DNAJC21: variants seen among roughly 807,000 people sequenced by gnomAD.
The protein encoded by DNAJC21 is dnaJ homolog subfamily C member 21.
In DNAJC21, 63 loss-of-function variants were observed where a neutral mutation model predicts 72.4. That is an observed-to-expected ratio of 0.87 (90% confidence interval 0.71 to 1.07). DNAJC21 has a LOEUF of 1.07. Among genes scored for constraint, DNAJC21 ranks in the 50% least tolerant of loss-of-function variants. The probability of loss-of-function intolerance (pLI) is 0.00; values close to 1 mark genes in which losing one functional copy is unlikely to be tolerated. For synonymous variants in DNAJC21, 203 were observed against 216.7 expected (o/e 0.94, Z 0.56); for missense variants, 634 against 644.8 (o/e 0.98, Z 0.18).
chr5:34,929,758 GCCCGGGCCCGGGCCCCGACCCCGT>G lies in DNAJC21; in HGVS notation c.-52_-29del. On this transcript the variant is annotated 5_prime_UTR_variant, in exon 1 of 12. Coordinates refer to ENST00000648817, the MANE Select transcript of DNAJC21 (RefSeq NM_001012339.3). ...CAGCGCCGCCGCCGCCGCCGCTTCG[GCCCGGGCCCGGGCCCCGACCCCGT>G]CCCGGGCCCCAGCGCCGGCCGCCCG... is the stretch of plus-strand genomic sequence containing the variant. The G allele has an allele frequency of 1.1e-6, 1 of 905,082 alleles. No individual in the cohort carries two copies. Among genetic ancestry groups the G allele is most frequent in the Non-Finnish European group, 1.3e-6 (1 of 740,828 alleles). The allele number at this position is 905,082 out of a possible 1,614,324, so 56.1% of individuals were successfully genotyped here.
rs1764970902 is a variant in DNAJC21 at position 34,941,074 on chromosome 5, AC to A, written c.896-21del. ...TGTGCTCTGATCAAAGAGGGTTCTT[AC>A]TGTAGGCTTCCCTGTCATAGGTAAA... On this transcript the variant is annotated intron_variant, in intron 6 of 11. Transcript: ENST00000648817. The A allele has an allele frequency of 2.5e-6, 4 of 1,602,074 alleles. No homozygotes were observed. The South Asian group carries it at 4.4e-5, about 18-fold the overall frequency.
chr5:34,947,041 G>T (rs1765193879), intron 9 of DNAJC21, among the ~76,000 whole-genome samples: 1 of 152,100 alleles, frequency 6.6e-6, no homozygotes, highest in African/African-American at 2.4e-5. Flanking sequence ...TTGAAGGGAA[G>T]GGCAGTGTGG....
chr5:34,955,853 A>G lies in DNAJC21; in HGVS notation c.*1139A>G, dbSNP rs1765518104. 2 of 151,106 alleles carry G rather than the reference A, an allele frequency of 1.3e-5. No homozygotes were observed. Among genetic ancestry groups the G allele is most frequent in the South Asian group, 4.2e-4 (2 of 4,772 alleles). 9.4% of individuals were successfully genotyped at this position (151,106 alleles called of 1,614,324 possible). A position where few individuals can be genotyped will look rare whatever the true frequency, so the allele number is the denominator to read the frequency against. On this transcript the variant is annotated 3_prime_UTR_variant, in exon 12 of 12. Transcript: ENST00000648817. ...CGGATCACGAGGTCAGGAGATCGAG[A>G]CCATCCCGGCTAAAACGGTGAAACC...
intron 1 of DNAJC21, among the ~76,000 whole-genome samples, chr5:34,933,586 C>G (rs376679426): frequency 6.6e-6 from 1 of 152,236 alleles, no homozygotes; most frequent in South Asian, 2.1e-4. Context: ...GCCCAGTTGA[C>G]TGTTTAGTGA....
At chr5:34,945,272 T>G (rs1765136447) in intron 8 of DNAJC21, among the ~76,000 whole-genome samples, 1 of 152,138 alleles carries the variant, frequency 6.6e-6, no homozygotes, top group African/African-American at 2.4e-5. Context: ...GAGACAGAGT[T>G]TCACCATGTT....
In DNAJC21 at chr5:34,950,225, C is replaced by A; in HGVS notation, c.1241C>A (p.Pro414Gln). The A allele has an allele frequency of 6.2e-7, 1 of 1,613,474 alleles. No homozygotes were observed. Among genetic ancestry groups the A allele is most frequent in the Non-Finnish European group, 8.5e-7 (1 of 1,179,744 alleles). Residue 414 changes from proline to glutamine, a missense_variant, in exon 10 of 12, where the codon CCA becomes CAA. Coordinates refer to ENST00000648817, the MANE Select transcript of DNAJC21 (RefSeq NM_001012339.3). The part of the protein sequence containing the change: ...NGPGEGVKVD[P>Q]EDTNLNQDSA... ...CCTGGAGAAGGAGTAAAGGTTGATC[C>A]AGAAGATACTAACTTAAATCAAGAC... is the stretch of plus-strand genomic sequence containing the variant.
chr5:34,946,891 GAAA>G (rs1024350558), intron 9 of DNAJC21, among the ~76,000 whole-genome samples: 29 of 152,234 alleles, frequency 1.9e-4, no homozygotes, highest in Non-Finnish European at 3.5e-4. Flanking sequence ...TCTTACTGAT[GAAA>G]ATGCTTCAAA....
Position 34,954,417 on chromosome 5 carries a change from G to A in DNAJC21, c.1435-136G>A, listed in dbSNP as rs559334521. The A allele has an allele frequency of 6.0e-4, 606 of 1,012,062 alleles. 6 individuals are homozygous for A. The highest frequency in any genetic ancestry group is 6.3e-4 in the Admixed American group (19 of 30,008). 62.7% of individuals were successfully genotyped at this position (1,012,062 alleles called of 1,614,324 possible). ...CCAAGAACATCTGCCTTTGTTGAAC[G>A]TGTTTATTACCTGTCCACTCTGTTA... On this transcript the variant is annotated intron_variant, in intron 11 of 11. Coordinates refer to ENST00000648817, the MANE Select transcript of DNAJC21 (RefSeq NM_001012339.3).
chr5:34,933,131 GAA>G (rs1323943011), intron 1 of DNAJC21, among the ~76,000 whole-genome samples: 13 of 151,960 alleles, frequency 8.6e-5, no homozygotes, highest in Non-Finnish European at 1.8e-4. Flanking sequence ...TGATGAGAAA[GAA>G]AAAAACAATG....
chr5:34,944,591 TAAAAG>T (rs1413409434), intron 7 of DNAJC21, among the ~76,000 whole-genome samples: 4 of 151,530 alleles, frequency 2.6e-5, no homozygotes, highest in Non-Finnish European at 4.4e-5. Flanking sequence ...TGTATGTAGA[TAAAAG>T]GACAGAGAAA....
At chr5:34,950,732 G>A in intron 10 of DNAJC21, 1 of 991,910 alleles carries the variant, frequency 1.0e-6, no homozygotes, top group Non-Finnish European at 1.2e-6. Context: ...AGCAGCCTGT[G>A]TTGGGCCCCA....
chr5:34,957,673 A>G lies in DNAJC21; in HGVS notation c.*2959A>G, dbSNP rs1765574800. 1 of 152,198 alleles carries G rather than the reference A, an allele frequency of 6.6e-6. No homozygotes were observed. The highest frequency in any genetic ancestry group is 6.5e-5 in the Admixed American group (1 of 15,286). The allele number at this position is 152,198 out of a possible 1,614,324, so 9.4% of individuals were successfully genotyped here. On this transcript the variant is annotated 3_prime_UTR_variant, in exon 12 of 12. Transcript: ENST00000648817. ...GAAATTACTCTTGTATTTGTAGAAG[A>G]TTGTCTCTAAAATTGTGGTTTAACT...
chr5:34,944,581 T>C (rs577977995), intron 7 of DNAJC21, among the ~76,000 whole-genome samples: 1 of 148,892 alleles, frequency 6.7e-6, no homozygotes, highest in Admixed American at 6.7e-5. Flanking sequence ...AGGAAGAAAA[T>C]GTATGTAGAT....
intron 9 of DNAJC21, among the ~76,000 whole-genome samples, chr5:34,946,849 G>A (rs1287002073): frequency 6.6e-6 from 1 of 152,108 alleles, no homozygotes; most frequent in East Asian, 1.9e-4. Context: ...AGATTCTATT[G>A]ATTGCAACCA....
intron 7 of DNAJC21, among the ~76,000 whole-genome samples, chr5:34,942,554 A>G (rs1299456838): frequency 6.6e-6 from 1 of 151,954 alleles, no homozygotes; most frequent in Non-Finnish European, 1.5e-5. Flanking sequence ...AATGAAGGAG[A>G]TTAAAAATTT....
At position 34,941,158 on chromosome 5, in the gene DNAJC21, G is replaced by A. The variant is rs148374246; in HGVS notation, c.958G>A (p.Asp320Asn). Residue 320 changes from aspartate (D) to asparagine (N), a missense_variant, in exon 7 of 12, where the codon GAC becomes AAC. Asp to Asn is a conservative substitution (Grantham distance 23, BLOSUM62 1). Transcript: ENST00000648817. ...TGATGACCTTTACTGCCCAGCATGT[G>A]ACAAATCGTTCAAGACAGAAAAGGC... The part of the protein sequence containing the change: ...LYDDLYCPAC[D>N]KSFKTEKAMK... 1,256 of 1,614,102 alleles carry A rather than the reference G, an allele frequency of 7.8e-4. 1 individual carries two copies. Among genetic ancestry groups the A allele is most frequent in the Admixed American group, 1.4e-3 (87 of 60,012 alleles).
chr5:34,930,277 C>T (rs967689227), intron 1 of DNAJC21: 12 of 166,866 alleles, frequency 7.2e-5, no homozygotes, highest in African/African-American at 2.9e-4. Flanking sequence ...TTGCTTTTCC[C>T]TGCGTCCCTT....
rs544406491 is a variant in DNAJC21 at position 34,941,212 on chromosome 5, T to A, written c.983+29T>A. 69 of 1,598,524 alleles carry A rather than the reference T, an allele frequency of 4.3e-5. 1 individual carries two copies. The South Asian group carries it at 7.4e-4, about 17-fold the overall frequency. ...AGTTTATTAATTTAATTTAATTTAA[T>A]TTTGAGACAGGGTCTCACTCTGTCA... On this transcript the variant is annotated intron_variant, in intron 7 of 11. Transcript: ENST00000648817.
chr5:34,936,924 T>C (rs1263215795), intron 4 of DNAJC21, among the ~76,000 whole-genome samples: 1 of 152,120 alleles, frequency 6.6e-6, no homozygotes, highest in Non-Finnish European at 1.5e-5. Context: ...CTAATTTTTG[T>C]ATTTTTAGTA....
Sources: allele counts gnomAD v4.1 joint callset (sites outside exome capture counted in the v4.1 genomes callset), GRCh38; gene constraint gnomAD v4.1.1; transcripts MANE v1.5; gene names NCBI Gene and HGNC (gene_info 2026-07-23, HGNC 2026-07-21).